The following ADCYAP1R1 variants were observed in gnomAD, a reference collection of about 807,000 sequenced individuals.
ADCYAP1R1 encodes pituitary adenylate cyclase-activating polypeptide type I receptor.
Under a neutral mutation model 67.6 loss-of-function variants are expected in ADCYAP1R1, and 44 were observed. That is an observed-to-expected ratio of 0.65 (90% CI 0.51 to 0.84). ADCYAP1R1 has a LOEUF of 0.84. ADCYAP1R1 is among the 40% of genes least tolerant of loss of function. ADCYAP1R1 has a pLI of 0.00. For synonymous variants in ADCYAP1R1, 222 were observed against 219.6 expected (o/e 1.01, Z -0.10); for missense variants, 477 against 587.9 (o/e 0.81, Z 1.95).
chr7:31,097,141 G>T (rs936341922), intron 13 of ADCYAP1R1, among the ~76,000 whole-genome samples: 3 of 152,212 alleles, frequency 2.0e-5, no homozygotes, highest in Non-Finnish European at 4.4e-5. Flanking sequence ...AGCCCCAGAG[G>T]CCAAGGCTCT....
rs1386836460 is a variant in ADCYAP1R1, at chr7:31,052,559, G to C, written c.-191G>C. 2.7e-5 allele frequency: 4 copies of C among 150,166 alleles called. No individual in the cohort carries two copies. 9.3% of individuals were successfully genotyped at this position (150,166 alleles called of 1,614,324 possible). On this transcript the variant is annotated 5_prime_UTR_variant, in exon 1 of 16. Coordinates refer to ENST00000304166, the MANE Select transcript of ADCYAP1R1 (RefSeq NM_001118.5). Reference sequence around the variant, plus strand: ...CCACACAGGCGCGGAGACCCGGCTCGGCGCGCGCTCCTCGGCGCACACGCT... The same window carrying C: ...CCACACAGGCGCGGAGACCCGGCTCCGCGCGCGCTCCTCGGCGCACACGCT...
intron 1 of ADCYAP1R1, among the ~76,000 whole-genome samples, chr7:31,056,686 G>T (rs1794259947): frequency 6.6e-6 from 1 of 152,094 alleles, no homozygotes; most frequent in South Asian, 2.1e-4. Context: ...ATTTCTGCCT[G>T]CACTTTCCCC....
At chr7:31,060,861 G>T (rs1202712743) in intron 1 of ADCYAP1R1, among the ~76,000 whole-genome samples, 1 of 152,178 alleles carries the variant, frequency 6.6e-6, no homozygotes, top group Non-Finnish European at 1.5e-5. Flanking sequence ...TCTAATAAAG[G>T]TTAAAATAGA....
intron 3 of ADCYAP1R1, among the ~76,000 whole-genome samples, chr7:31,071,569 A>T (rs1320381967): frequency 6.6e-6 from 1 of 152,050 alleles, no homozygotes; most frequent in Non-Finnish European, 1.5e-5. Flanking sequence ...TCCCTGAAAC[A>T]TGTTTTCCTG....
In ADCYAP1R1 at chr7:31,111,101, T is replaced by G. The variant is rs931493632; in HGVS notation, c.*4417T>G. On this transcript the variant is annotated 3_prime_UTR_variant, in exon 16 of 16. Coordinates refer to ENST00000304166, the MANE Select transcript of ADCYAP1R1 (RefSeq NM_001118.5). ...CAGAGTGAGGATACTTCCATATGGG[T>G]GATAGCAGCCATGCCCCTGGGAGTC... 5.3e-5 allele frequency: 8 copies of G among 152,170 alleles called. No individual in the cohort carries two copies. The highest frequency in any genetic ancestry group is 1.9e-4 in the African/African-American group (8 of 41,444). The allele number at this position is 152,170 out of a possible 1,614,324, so 9.4% of individuals were successfully genotyped here. A position where few individuals can be genotyped will look rare whatever the true frequency, so the allele number is the denominator to read the frequency against.
At chr7:31,097,299 T>C (rs1384716539) in intron 13 of ADCYAP1R1, among the ~76,000 whole-genome samples, 1 of 152,242 alleles carries the variant, frequency 6.6e-6, no homozygotes, top group Admixed American at 6.5e-5. Context: ...ATTTACCGCA[T>C]CAGTCAGTCT....
intron 3 of ADCYAP1R1, 146 bp from the exon 4 acceptor site, chr7:31,077,839 TTGTGTG>T: frequency 7.6e-6 from 4 of 525,564 alleles, no homozygotes; most frequent in Non-Finnish European, 1.4e-5. Flanking sequence ...TTTGTTGGTG[TTGTGTG>T]TGTGTTGTGT....
chr7:31,099,476 T>C (rs548672476), intron 13 of ADCYAP1R1, among the ~76,000 whole-genome samples: 2 of 152,328 alleles, frequency 1.3e-5, no homozygotes, highest in East Asian at 3.9e-4. Flanking sequence ...GGCTATCATA[T>C]TGGAATAGTT....
intron 9 of ADCYAP1R1, among the ~76,000 whole-genome samples, chr7:31,085,722 A>G (rs1173900084): frequency 6.6e-6 from 1 of 152,210 alleles, no homozygotes; most frequent in Non-Finnish European, 1.5e-5. Context: ...TCAGGTGGGA[A>G]CACCAAGTCC....
intron 3 of ADCYAP1R1, among the ~76,000 whole-genome samples, chr7:31,067,506 C>T (rs1236363201): frequency 6.6e-6 from 1 of 151,696 alleles, no homozygotes; most frequent in Non-Finnish European, 1.5e-5. Context: ...CATTCTATCA[C>T]CACAGCAGCT....
At chr7:31,052,918 A>C (rs888066645) in intron 1 of ADCYAP1R1, among the ~76,000 whole-genome samples, 1 of 151,692 alleles carries the variant, frequency 6.6e-6, no homozygotes, top group Non-Finnish European at 1.5e-5. Flanking sequence ...CCCCAACCCA[A>C]GTGTCTGGCG....
chr7:31,070,586 G>C (rs1362446411), intron 3 of ADCYAP1R1, among the ~76,000 whole-genome samples: 5 of 152,236 alleles, frequency 3.3e-5, no homozygotes, highest in Admixed American at 2.6e-4. Flanking sequence ...GGAGCTTCTT[G>C]TCTGGGCCTC....
rs1181492103 is a variant in ADCYAP1R1, at chr7:31,109,881, G to A, written c.*3197G>A. On this transcript the variant is annotated 3_prime_UTR_variant, in exon 16 of 16. Coordinates refer to ENST00000304166, the MANE Select transcript of ADCYAP1R1 (RefSeq NM_001118.5). ...GCAGACTTCATGACTCCCCACTTAA[G>A]TCCAAGTCACATTGTCTATCCCAGT... 1 of 152,180 alleles carries A rather than the reference G, an allele frequency of 6.6e-6. No individual in the cohort carries two copies. Among genetic ancestry groups the A allele is most frequent in the East Asian group, 1.9e-4 (1 of 5,150 alleles). The allele number at this position is 152,180 out of a possible 1,614,324, so 9.4% of individuals were successfully genotyped here.
Position 31,052,850 on chromosome 7 carries a change from G to A in ADCYAP1R1, c.-72+172G>A, listed in dbSNP as rs537729026. 2.2e-3 allele frequency among the ~76,000 whole-genome samples: 341 copies of A among 152,232 alleles called. 3 individuals are homozygous for A. The highest frequency in any genetic ancestry group is 3.8e-3 in the Non-Finnish European group (261 of 68,014). Reference sequence around the variant, plus strand: ...GGGCCGGCGCCAGGCAAGCCTCCCAGATCTGAAATGAAGCCCCCTCCCGCC... The same window carrying A: ...GGGCCGGCGCCAGGCAAGCCTCCCAAATCTGAAATGAAGCCCCCTCCCGCC... On this transcript the variant is annotated intron_variant, in intron 1 of 15. Coordinates refer to ENST00000304166, the MANE Select transcript of ADCYAP1R1 (RefSeq NM_001118.5).
At chr7:31,098,622 C>T (rs1263331506) in intron 13 of ADCYAP1R1, among the ~76,000 whole-genome samples, 5 of 146,750 alleles carry the variant, frequency 3.4e-5, no homozygotes, top group African/African-American at 1.2e-4. Context: ...CTGTAGTGCC[C>T]ACCTCACAGT....
At chr7:31,103,135 T>G in intron 13 of ADCYAP1R1, 102 bp from the exon 14 acceptor site, 1 of 1,498,108 alleles carries the variant, frequency 6.7e-7, no homozygotes, top group Non-Finnish European at 9.0e-7. Flanking sequence ...GGCCCCAGCT[T>G]GGAGGGAGAA....
In ADCYAP1R1 at chr7:31,102,862, G is replaced by A. The variant is rs1034798659; in HGVS notation, c.1047-375G>A. Among the ~76,000 whole-genome samples the A allele has an allele frequency of 6.6e-6, 1 of 152,190 alleles. No homozygotes were observed. The highest frequency in any genetic ancestry group is 2.4e-5 in the African/African-American group (1 of 41,446). On this transcript the variant is annotated intron_variant, in intron 13 of 15. Transcript: ENST00000304166. This position sits in a 1 kb window ranked among gnomAD's most constrained non-coding sequence, Gnocchi z 4.3. ...CACAAAGAGCTTTCTTCCAGAACAG[G>A]AGAGCGGCTGCTCTGCCTGAGGACC...
chr7:31,107,803 C>G lies in ADCYAP1R1; in HGVS notation c.*1119C>G, dbSNP rs923899353. ...CCTGGACTCAACTATTGAAATCTCTCTGAGACCTCTGCAAAGATGTCCCTT... is the reference window on the plus strand; with the variant it reads ...CCTGGACTCAACTATTGAAATCTCTGTGAGACCTCTGCAAAGATGTCCCTT... On this transcript the variant is annotated 3_prime_UTR_variant, in exon 16 of 16. Coordinates refer to ENST00000304166, the MANE Select transcript of ADCYAP1R1 (RefSeq NM_001118.5). 2 of 152,326 alleles carry G rather than the reference C, an allele frequency of 1.3e-5. No individual in the cohort carries two copies. The highest frequency in any genetic ancestry group is 6.5e-5 in the Admixed American group (1 of 15,280). 9.4% of individuals were successfully genotyped at this position (152,326 alleles called of 1,614,324 possible).
At chr7:31,078,231 G>C (rs1053811916) in intron 4 of ADCYAP1R1, 133 bp downstream of exon 4, 21 of 644,840 alleles carry the variant, frequency 3.3e-5, no homozygotes, top group African/African-American at 2.9e-4. Context: ...CATGTGGTGT[G>C]GGGGATGAAA....
Sources: gnomAD v4.1 joint callset for allele counts (sites outside exome capture counted in the v4.1 genomes callset) on GRCh38, gnomAD v4.1.1 for gene constraint, Gnocchi (gnomAD v3.1) non-coding constraint, MANE v1.5 for transcripts, NCBI Gene and HGNC (gene_info 2026-07-23, HGNC 2026-07-21) for gene names.